MYO18A: variants seen among roughly 807,000 people sequenced by gnomAD.
MYO18A encodes unconventional myosin-XVIIIa.
In MYO18A, 78 loss-of-function variants were observed where a neutral mutation model predicts 235.8. The observed-to-expected ratio is 0.33, with a 90% CI of 0.28 to 0.40. MYO18A has a LOEUF of 0.40. Ranked by LOEUF, MYO18A falls within the 10% of genes least tolerant of loss-of-function variation. The probability of loss-of-function intolerance (pLI) is 1.00; values close to 1 mark genes in which losing one functional copy is unlikely to be tolerated. For synonymous variants in MYO18A, 977 were observed against 1,077.8 expected, an observed-to-expected ratio of 0.91 and a Z score of 1.83; for missense variants, 2,215 against 2,699.3, an observed-to-expected ratio of 0.82 and a Z score of 3.98.
chr17:29,129,321 G>C (rs1281531262), intron 2 of MYO18A, among the ~76,000 whole-genome samples: 3 of 152,150 alleles, frequency 2.0e-5, no homozygotes, highest in Admixed American at 1.3e-4. Context: ...AACCTCTCAA[G>C]GGTTTGGAGA....
At chr17:29,103,128 G>T (rs1218858955) in intron 21 of MYO18A, among the ~76,000 whole-genome samples, 1 of 152,238 alleles carries the variant, frequency 6.6e-6, no homozygotes, top group Non-Finnish European at 1.5e-5. Context: ...TTGGCCTGTG[G>T]GCAGGTGGTG....
At position 29,092,849 on chromosome 17, in the gene MYO18A, G is replaced by A; in HGVS notation, c.5073+6C>T. ...CCTGGATCAGCCGTGTGCTCTCTGT[G>A]GATACCTGGTTCTTGAGCTGGGCAA... On this transcript the variant is annotated splice_donor_region_variant and intron_variant, in intron 33 of 41. Coordinates refer to ENST00000527372, the MANE Select transcript of MYO18A (RefSeq NM_078471.4). 6.2e-7 allele frequency: 1 copy of A among 1,613,756 alleles called. No individual in the cohort carries two copies. The highest frequency in any genetic ancestry group is 8.5e-7 in the Non-Finnish European group (1 of 1,179,858).
chr17:29,080,647 G>A, intron 41 of MYO18A: 6 of 985,588 alleles, frequency 6.1e-6, no homozygotes, highest in Non-Finnish European at 7.2e-6. Context: ...GCCCCGCCGC[G>A]TGGCCGAGGA....
intron 2 of MYO18A, among the ~76,000 whole-genome samples, chr17:29,123,295 G>A (rs2067244237): frequency 1.3e-5 from 2 of 152,086 alleles, no homozygotes; most frequent in Non-Finnish European, 2.9e-5. Flanking sequence ...CCCGTGCCCC[G>A]GGTGGGGGAT....
chr17:29,124,648 C>A (rs1251524950), intron 2 of MYO18A: 1 of 1,282,542 alleles, frequency 7.8e-7, no homozygotes, highest in Non-Finnish European at 1.0e-6. Flanking sequence ...GGGAGAGCAC[C>A]CTACCTGGCT....
At position 29,166,571 on chromosome 17, in the gene MYO18A, A is replaced by T. The variant is rs1051572487; in HGVS notation, c.370T>A (p.Phe124Ile). 2 of 1,613,828 alleles carry T rather than the reference A, an allele frequency of 1.2e-6. No individual in the cohort carries two copies. The highest frequency in any genetic ancestry group is 1.7e-6 in the Non-Finnish European group (2 of 1,179,872). ...GAGTTCTGCTTGGCCAGTGAGCCGA[A>T]CTTGGCTGCCCGCTGCAGCACCGAG... ...RGSVLQRAAKFGSLAKQNSQM... is the reference protein window; with the variant it reads ...RGSVLQRAAKIGSLAKQNSQM... The change falls in exon 2 of 42, where the codon TTC (phenylalanine) becomes ATC (isoleucine). Residue 124 changes from phenylalanine to isoleucine, a missense_variant. Phe to Ile is a conservative substitution (Grantham distance 21). Coordinates refer to ENST00000527372, the MANE Select transcript of MYO18A (RefSeq NM_078471.4).
rs763334548 is a variant in MYO18A, at chr17:29,115,618, G to A, written c.2227+46C>T. The A allele has an allele frequency of 3.2e-6, 5 of 1,540,386 alleles. No individual in the cohort carries two copies. In the South Asian group the frequency reaches 6.2e-5, roughly 19 times the overall value. On this transcript the variant is annotated intron_variant, in intron 12 of 41. Transcript: ENST00000527372. ...GCCCCAGGGATGGCAGCAAGCCCCA[G>A]ATGAGGCCTCACACTCACAACTACC...
rs752082402 is a variant in MYO18A, at chr17:29,094,727, G to A, written c.4633C>T (p.Arg1545Trp). ...TCCTTGACTTTGGCCTCCAGGTCCCGGAGCTGTTTCTTGACCTTGGCCAGA... is the reference window on the plus strand; with the variant it reads ...TCCTTGACTTTGGCCTCCAGGTCCCAGAGCTGTTTCTTGACCTTGGCCAGA... ...ASLAKVKKQL[R>W]DLEAKVKDQE... is the part of the protein sequence containing the mutation. The change falls in exon 30 of 42, where the codon CGG becomes TGG. Residue 1545 changes from arginine (R) to tryptophan (W), a missense_variant. Arg to Trp is a moderately radical substitution (Grantham distance 101). Transcript: ENST00000527372. 13 of 1,613,930 alleles carry A rather than the reference G, an allele frequency of 8.1e-6. 1 individual carries two copies. In the Middle Eastern group the frequency reaches 4.9e-4, roughly 61 times the overall value.
chr17:29,144,648 T>C (rs1196759850), intron 2 of MYO18A, among the ~76,000 whole-genome samples: 1 of 152,252 alleles, frequency 6.6e-6, no homozygotes, highest in Non-Finnish European at 1.5e-5. Flanking sequence ...AGGCAGTACA[T>C]GTAAAGCAAC....
At chr17:29,142,173 C>G (rs1411920860) in intron 2 of MYO18A, among the ~76,000 whole-genome samples, 1 of 152,212 alleles carries the variant, frequency 6.6e-6, no homozygotes, top group Non-Finnish European at 1.5e-5. Flanking sequence ...ACCTCGTGAT[C>G]CGCCCGCCTT....
At chr17:29,170,530 G>A (rs1367887992) in intron 1 of MYO18A, among the ~76,000 whole-genome samples, 2 of 152,150 alleles carry the variant, frequency 1.3e-5, no homozygotes, top group Admixed American at 6.6e-5. Context: ...CCGGGCTGCA[G>A]TTTCCATCTG....
intron 2 of MYO18A, among the ~76,000 whole-genome samples, chr17:29,129,556 G>T (rs2067410804): frequency 1.3e-5 from 2 of 152,212 alleles, no homozygotes; most frequent in African/African-American, 4.8e-5. Context: ...GGCAACCTGG[G>T]TTCTCCTTGT....
intron 37 of MYO18A, 30 bp from the exon 38 acceptor site, chr17:29,087,151 A>G (rs1568043125): frequency 1.9e-6 from 3 of 1,597,046 alleles, no homozygotes; most frequent in African/African-American, 1.3e-5. Context: ...AGAAAGACAC[A>G]GCAGGCAGGC....
intron 41 of MYO18A, among the ~76,000 whole-genome samples, chr17:29,081,345 A>G (rs935090524): frequency 2.0e-5 from 3 of 152,240 alleles, no homozygotes; most frequent in African/African-American, 7.2e-5. Flanking sequence ...GCCGTGGTGA[A>G]CCACGGCAGT....
At position 29,074,779 on chromosome 17, in the gene MYO18A, A is replaced by G. The variant is rs752763493; in HGVS notation, c.6156T>C (p.Thr2052=). ...CAACCACTCCCCTGGGCTATGCGTT[A>G]GTCTCCGTCAGCTTGGCCTCTGTGT... ...DSDTEAKLTE[T]NA is the part of the protein sequence containing the mutation. The change falls in exon 42 of 42, where the codon ACT becomes ACC. Residue 2052 remains threonine (T), a synonymous_variant. Transcript: ENST00000527372. The surrounding 1 kb of genome is among the most constrained non-coding windows in gnomAD (Gnocchi z 4.4). 73 of 1,613,812 alleles carry G rather than the reference A, an allele frequency of 4.5e-5. No individual in the cohort carries two copies. The highest frequency in any genetic ancestry group is 6.2e-5 in the Non-Finnish European group (73 of 1,179,874).
chr17:29,122,300 G>A, intron 2 of MYO18A, 47 bp from the exon 3 acceptor site: 2 of 1,549,388 alleles, frequency 1.3e-6, no homozygotes, highest in Non-Finnish European at 1.8e-6. Context: ...TGGAAGACAG[G>A]GACAAGGACA....
At position 29,166,777 on chromosome 17, in the gene MYO18A, T is replaced by A; in HGVS notation, c.164A>T (p.Glu55Val). ...FFNLNRSSKR[E>V]SKTRLEISNP... ...GGAGATTTCCAGGCGCGTCTTGGAT[T>A]CACGCTTGGAGGAGCGGTTCAGGTT... The change falls in exon 2 of 42, where the codon GAA (glutamate) becomes GTA (valine). Residue 55 changes from glutamate (E) to valine (V), a missense_variant. Glu to Val is a moderately radical substitution (Grantham distance 121). Coordinates refer to ENST00000527372, the MANE Select transcript of MYO18A (RefSeq NM_078471.4). 1 of 1,612,972 alleles carries A rather than the reference T, an allele frequency of 6.2e-7. No homozygotes were observed. The highest frequency in any genetic ancestry group is 1.3e-5 in the African/African-American group (1 of 75,018).
At chr17:29,129,996 CATT>C (rs1445951260) in intron 2 of MYO18A, among the ~76,000 whole-genome samples, 1 of 152,218 alleles carries the variant, frequency 6.6e-6, no homozygotes, top group Non-Finnish European at 1.5e-5. Flanking sequence ...CCCCTTCCAT[CATT>C]AAGATGATGA....
chr17:29,098,753 G>A (rs769812135), intron 23 of MYO18A, 73 bp downstream of exon 23: 89 of 1,568,278 alleles, frequency 5.7e-5, no homozygotes, highest in Non-Finnish European at 7.1e-5. Flanking sequence ...ACGAAGAAGC[G>A]CCTGGAAGCC....
Sources: allele counts gnomAD v4.1 joint callset (sites outside exome capture counted in the v4.1 genomes callset), GRCh38; gene constraint gnomAD v4.1.1; non-coding constraint Gnocchi (gnomAD v3.1); transcripts MANE v1.5; gene names NCBI Gene and HGNC (gene_info 2026-07-23, HGNC 2026-07-21).